Variants in NFYB observed in about 807,000 individuals in gnomAD.
NFYB encodes the protein CAAT box DNA-binding protein subunit B.
In NFYB, 13 loss-of-function variants were observed where a neutral mutation model predicts 28.0. That is an observed-to-expected ratio of 0.46 (90% CI 0.30 to 0.74). The LOEUF (loss-of-function observed/expected upper bound fraction) is 0.74. Ranked by LOEUF, NFYB falls within the 30% of genes least tolerant of loss-of-function variation. The pLI is 0.07. For missense variants in NFYB, 142 were observed against 247.6 expected (o/e 0.57, Z 2.86); for synonymous variants, 74 against 75.0 (o/e 0.99, Z 0.07).
At chr12:104,132,560 C>T (rs748030781) in intron 2 of NFYB, among the ~76,000 whole-genome samples, 8 of 152,078 alleles carry the variant, frequency 5.3e-5, no homozygotes, top group Non-Finnish European at 8.8e-5. Flanking sequence ...TGGGTGAGAG[C>T]GCTGGAGATC....
In NFYB at chr12:104,135,515, A is replaced by C; in HGVS notation, c.-62T>G. The C allele has an allele frequency of 6.9e-7, 1 of 1,457,162 alleles. No homozygotes were observed. The highest frequency in any genetic ancestry group is 9.2e-7 in the Non-Finnish European group (1 of 1,083,414). 90.3% of individuals were successfully genotyped at this position (1,457,162 alleles called of 1,614,324 possible). On this transcript the variant is annotated 5_prime_UTR_variant, in exon 2 of 8. It adds an upstream start codon to the 5' untranslated region. Coordinates refer to ENST00000240055, the MANE Select transcript of NFYB (RefSeq NM_006166.4). ...AGAACACCTATCTAAAAAGGTGTCTAATCTTTGTGATTTCAACCTAAAAGA... is the reference window on the plus strand; with the variant it reads ...AGAACACCTATCTAAAAAGGTGTCTCATCTTTGTGATTTCAACCTAAAAGA...
At chr12:104,123,635 G>A (rs1185680455) in intron 4 of NFYB, among the ~76,000 whole-genome samples, 2 of 152,166 alleles carry the variant, frequency 1.3e-5, no homozygotes, top group Non-Finnish European at 2.9e-5. Context: ...GAGAAGCCTT[G>A]ACAACTATTT....
At chr12:104,122,737 C>T (rs1260287828) in intron 5 of NFYB, among the ~76,000 whole-genome samples, 1 of 152,152 alleles carries the variant, frequency 6.6e-6, no homozygotes, top group Non-Finnish European at 1.5e-5. Context: ...CAAAACAGGT[C>T]CCTGGTGCCA....
In NFYB at chr12:104,119,223, T is replaced by G. The variant is rs1199756802; in HGVS notation, c.*514A>C. 2 of 152,252 alleles carry G rather than the reference T, an allele frequency of 1.3e-5. No homozygotes were observed. The highest frequency in any genetic ancestry group is 2.9e-5 in the Non-Finnish European group (2 of 68,038). The allele number at this position is 152,252 out of a possible 1,614,324, so 9.4% of individuals were successfully genotyped here. A position where few individuals can be genotyped will look rare whatever the true frequency, so the allele number is the denominator to read the frequency against. ...AATGTTTTACCAAAAAAATAATAATTTTAATAAATACAGCAAATGCTAGAA... is the reference window on the plus strand; with the variant it reads ...AATGTTTTACCAAAAAAATAATAATGTTAATAAATACAGCAAATGCTAGAA... On this transcript the variant is annotated 3_prime_UTR_variant, in exon 8 of 8. Coordinates refer to ENST00000240055, the MANE Select transcript of NFYB (RefSeq NM_006166.4).
intron 6 of NFYB, 96 bp downstream of exon 6, chr12:104,121,144 C>G (rs962574746): frequency 3.1e-6 from 3 of 977,038 alleles, no homozygotes; most frequent in Non-Finnish European, 4.7e-6. Flanking sequence ...AGTGCTTTGT[C>G]AAAATACTCA....
chr12:104,119,122 G>A lies in NFYB; in HGVS notation c.*615C>T, dbSNP rs1394568791. ...CTGTTAATGGGCACCAAGTTTAACA[G>A]GGCAGACAATATTTGCTTCTGCATT... On this transcript the variant is annotated 3_prime_UTR_variant, in exon 8 of 8. Coordinates refer to ENST00000240055, the MANE Select transcript of NFYB (RefSeq NM_006166.4). 1.3e-5 allele frequency: 2 copies of A among 152,460 alleles called. No individual in the cohort carries two copies. The highest frequency in any genetic ancestry group is 3.8e-4 in the East Asian group (2 of 5,196). 9.4% of individuals were successfully genotyped at this position (152,460 alleles called of 1,614,324 possible).
chr12:104,123,466 C>T, intron 4 of NFYB, 43 bp from the exon 5 acceptor site: 3 of 1,534,178 alleles, frequency 2.0e-6, no homozygotes, highest in East Asian at 4.5e-5. Context: ...CTATAACCAT[C>T]ACCTTCCTAA....
chr12:104,120,243 C>A (rs563781955), intron 7 of NFYB, among the ~76,000 whole-genome samples, 157 bp downstream of exon 7: 1 of 152,146 alleles, frequency 6.6e-6, no homozygotes, highest in African/African-American at 2.4e-5. Context: ...TTAGTAGAGA[C>A]AGGGTTTCAC....
intron 2 of NFYB, among the ~76,000 whole-genome samples, chr12:104,135,033 C>T (rs1373079806): frequency 2.0e-5 from 3 of 152,190 alleles, no homozygotes; most frequent in Admixed American, 2.0e-4. Flanking sequence ...CAATCCACTC[C>T]CACCCTCTAT....
intron 1 of NFYB, among the ~76,000 whole-genome samples, chr12:104,137,208 C>T (rs2031134136): frequency 1.3e-5 from 2 of 152,148 alleles, no homozygotes; most frequent in Non-Finnish European, 2.9e-5. Flanking sequence ...GGCTACCTAA[C>T]CTTGTTTAAA....
At chr12:104,132,674 GAGAC>G (rs1341385473) in intron 2 of NFYB, among the ~76,000 whole-genome samples, 1 of 152,236 alleles carries the variant, frequency 6.6e-6, no homozygotes, top group Non-Finnish European at 1.5e-5. Context: ...TGCAGCTGGA[GAGAC>G]AGACAGCTGT....
At position 104,123,326 on chromosome 12, in the gene NFYB, C is replaced by A. The variant is rs1352238106; in HGVS notation, c.329G>T (p.Arg110Leu). 1 of 1,614,018 alleles carries A rather than the reference C, an allele frequency of 6.2e-7. No homozygotes were observed. The highest frequency in any genetic ancestry group is 1.3e-5 in the African/African-American group (1 of 75,038). Residue 110 changes from arginine to leucine, a missense_variant, in exon 5 of 8, where the codon CGG (arginine) becomes CTG (leucine). Physicochemically the swap from Arg to Leu is moderately radical, Grantham distance 102 (BLOSUM62 -2). Transcript: ENST00000240055. ...EASERCHQEKRKTINGEDILF... is the reference protein window; with the variant it reads ...EASERCHQEKLKTINGEDILF... ...AATATCTTCTCCATTGATTGTTTTC[C>A]GTTTCTCTTGATGGCACCTTTCACT... is the stretch of plus-strand genomic sequence containing the variant.
chr12:104,123,140 TAC>T, intron 5 of NFYB, 84 bp downstream of exon 5: 3 of 1,019,038 alleles, frequency 2.9e-6, no homozygotes, highest in Non-Finnish European at 2.8e-6. Context: ...CTTGCCACTG[TAC>T]TCCAGCCTGG....
intron 2 of NFYB, among the ~76,000 whole-genome samples, chr12:104,129,169 A>C (rs557383039): frequency 1.3e-5 from 2 of 152,338 alleles, no homozygotes; most frequent in South Asian, 4.1e-4. Flanking sequence ...TATCCCTGGA[A>C]TGATGATCAG....
At chr12:104,129,063 C>T (rs563573602) in intron 2 of NFYB, among the ~76,000 whole-genome samples, 1 of 152,170 alleles carries the variant, frequency 6.6e-6, no homozygotes, top group Non-Finnish European at 1.5e-5. Flanking sequence ...AGGCCAATAG[C>T]GACAAGGAAA....
At chr12:104,137,732 C>T (rs1219403848) in intron 1 of NFYB, 1 of 147,836 alleles carries the variant, frequency 6.8e-6, no homozygotes, top group Non-Finnish European at 1.5e-5. Context: ...GGGGCCAGGG[C>T]CCGGGCCGCG....
intron 2 of NFYB, chr12:104,131,553 C>G: frequency 2.9e-6 from 1 of 348,416 alleles, no homozygotes; most frequent in South Asian, 2.2e-5. Context: ...GTACCTTTCA[C>G]TCAATAAGTC....
chr12:104,126,042 C>G (rs562396222), intron 4 of NFYB, 72 bp downstream of exon 4: 1 of 1,423,952 alleles, frequency 7.0e-7, no homozygotes, highest in South Asian at 1.6e-5. Flanking sequence ...CTAACTGTAC[C>G]CATGACCTAT....
Position 104,119,257 on chromosome 12 carries a change from AG to A in NFYB, c.*479del, listed in dbSNP as rs1252818215. On this transcript the variant is annotated 3_prime_UTR_variant, in exon 8 of 8. Transcript: ENST00000240055. ...TACAGCAAATGCTAGAAATCTAGCT[AG>A]GTTATCATGCAAGGTATAACCAAGA... is the stretch of plus-strand genomic sequence containing the variant. The A allele has an allele frequency of 2.6e-5, 4 of 152,450 alleles. No homozygotes were observed. Among genetic ancestry groups the A allele is most frequent in the Admixed American group, 2.6e-4 (4 of 15,306 alleles). The allele number at this position is 152,450 out of a possible 1,614,324, so 9.4% of individuals were successfully genotyped here.
Sources: allele counts gnomAD v4.1 joint callset (sites outside exome capture counted in the v4.1 genomes callset), GRCh38; gene constraint gnomAD v4.1.1; transcripts MANE v1.5; gene names NCBI Gene and HGNC (gene_info 2026-07-23, HGNC 2026-07-21).